The following TANC2 variants were observed in gnomAD, a reference collection of about 807,000 sequenced individuals.
TANC2 encodes the protein tetratricopeptide repeat, ankyrin repeat and coiled-coil containing 2.
TANC2 carries 26 observed loss-of-function variants against 210.5 expected under a neutral mutation model. That is an observed-to-expected ratio of 0.12 (90% confidence interval 0.09 to 0.17). TANC2 has a LOEUF of 0.17. Ranked by LOEUF, TANC2 falls within the 10% of genes least tolerant of loss-of-function variation. TANC2 has a pLI of 1.00. For missense variants in TANC2, 2,129 were observed against 2,608.9 expected (o/e 0.82, Z 4.01); for synonymous variants, 931 against 967.1 (o/e 0.96, Z 0.69).
At chr17:63,022,553 G>T (rs553162450) in intron 2 of TANC2, among the ~76,000 whole-genome samples, 3 of 152,262 alleles carry the variant, frequency 2.0e-5, no homozygotes, top group Non-Finnish European at 4.4e-5. Flanking sequence ...GAAAAAGAAT[G>T]TTTGGAAAGA....
chr17:63,066,792 T>C (rs1418510985), intron 2 of TANC2, among the ~76,000 whole-genome samples: 3 of 151,944 alleles, frequency 2.0e-5, no homozygotes, highest in Non-Finnish European at 1.5e-5. Context: ...GACACAGATA[T>C]AGTCATGAAG....
intron 15 of TANC2, among the ~76,000 whole-genome samples, chr17:63,387,348 C>T (rs1025716788): frequency 6.6e-6 from 1 of 152,132 alleles, no homozygotes; most frequent in Non-Finnish European, 1.5e-5. Context: ...TTTTTCCTAA[C>T]CCACTTTAGA....
chr17:63,200,879 G>A (rs1209255352), exon 7 of TANC2: 7 of 1,613,812 alleles, frequency 4.3e-6, no homozygotes, highest in Non-Finnish European at 5.9e-6. Context: ...CAGTACAAAT[G>A]CAACTGCCAA....
chr17:63,132,311 C>A (rs555747813), intron 4 of TANC2, among the ~76,000 whole-genome samples: 1 of 151,872 alleles, frequency 6.6e-6, no homozygotes, highest in African/African-American at 2.4e-5. Flanking sequence ...AGTTTAAAAA[C>A]CAGAGGTGGC....
At chr17:63,120,841 A>C (rs1473717880) in intron 4 of TANC2, 2 of 142,198 alleles carry the variant, frequency 1.4e-5, no homozygotes, top group South Asian at 2.3e-4. Context: ...AAAAAAAAAA[A>C]CTATTCAATA....
chr17:62,998,480 G>GA (rs2033221231), intron 1 of TANC2, among the ~76,000 whole-genome samples: 1 of 152,020 alleles, frequency 6.6e-6, no homozygotes, highest in Non-Finnish European at 1.5e-5. Flanking sequence ...TGAACTGAAA[G>GA]AAAAAAATGT....
intron 2 of TANC2, among the ~76,000 whole-genome samples, chr17:63,046,613 C>T (rs577051906): frequency 6.6e-6 from 1 of 151,930 alleles, no homozygotes; most frequent in African/African-American, 2.4e-5. Context: ...AGCCACCACA[C>T]CCGGCCTTTA....
intron 18 of TANC2, chr17:63,396,532 A>C (rs2048163100): frequency 6.5e-6 from 1 of 154,376 alleles, no homozygotes; most frequent in Admixed American, 6.3e-5. Context: ...TTTAACAACC[A>C]ACTGTGAAGA....
intron 4 of TANC2, among the ~76,000 whole-genome samples, chr17:63,115,664 A>G (rs757244953): frequency 9.2e-5 from 14 of 152,186 alleles, no homozygotes; most frequent in South Asian, 2.1e-4. Flanking sequence ...ATGGAGTTCT[A>G]TTGAAATTCC....
intron 15 of TANC2, among the ~76,000 whole-genome samples, chr17:63,380,337 G>A (rs1305736364): frequency 6.6e-6 from 1 of 152,136 alleles, no homozygotes; most frequent in Admixed American, 6.5e-5. Flanking sequence ...AAACCTTTAA[G>A]AACTCTATAA....
At position 63,010,480 on chromosome 17, in the gene TANC2, A is replaced by G. The variant is rs142526495; in HGVS notation, c.67+854A>G. ...TATGTGGGTTTTTTTTTTTTTTCCTACAGTGATTCAATTCAGTTCTCTGGT... is the reference window on the plus strand; with the variant it reads ...TATGTGGGTTTTTTTTTTTTTTCCTGCAGTGATTCAATTCAGTTCTCTGGT... On this transcript the variant is annotated intron_variant, in intron 2 of 27. Coordinates refer to ENST00000689528, the Ensembl canonical transcript of TANC2. Among the ~76,000 whole-genome samples, 12 of 148,378 alleles carry G rather than the reference A, an allele frequency of 8.1e-5. No individual in the cohort carries two copies. In the East Asian group the frequency reaches 2.0e-3, roughly 24 times the overall value.
intron 7 of TANC2, among the ~76,000 whole-genome samples, chr17:63,219,310 AAAT>A (rs764628676): frequency 5.9e-5 from 9 of 151,694 alleles, no homozygotes; most frequent in Non-Finnish European, 1.0e-4. Context: ...ATTATTATAT[AAAT>A]AATAATATGT....
intron 5 of TANC2, among the ~76,000 whole-genome samples, chr17:63,181,005 CAG>C (rs1402523947): frequency 9.1e-6 from 1 of 110,130 alleles, no homozygotes; most frequent in Non-Finnish European, 1.6e-5. Flanking sequence ...GCCTGGGTGA[CAG>C]AGTGAGACTC....
intron 4 of TANC2, among the ~76,000 whole-genome samples, chr17:63,146,364 T>C (rs978305262): frequency 1.3e-5 from 2 of 152,156 alleles, no homozygotes; most frequent in African/African-American, 2.4e-5. Context: ...TTTACTTCTT[T>C]CTACTTTGGA....
At chr17:63,230,465 G>C (rs2042445977) in intron 7 of TANC2, among the ~76,000 whole-genome samples, 1 of 152,154 alleles carries the variant, frequency 6.6e-6, no homozygotes, top group Non-Finnish European at 1.5e-5. Context: ...GTGTCCCAGA[G>C]ATTCTGGTAC....
intron 14 of TANC2, among the ~76,000 whole-genome samples, chr17:63,378,617 T>G (rs2047502638): frequency 6.6e-6 from 1 of 152,158 alleles, no homozygotes; most frequent in African/African-American, 2.4e-5. Flanking sequence ...GATAAGACAA[T>G]ATCCAGAGGC....
At chr17:63,254,612 T>C (rs1312398577) in intron 8 of TANC2, among the ~76,000 whole-genome samples, 1 of 152,246 alleles carries the variant, frequency 6.6e-6, no homozygotes, top group African/African-American at 2.4e-5. Context: ...GCTATGAGTC[T>C]GTCGTATATG....
chr17:63,090,673 C>T (rs547177308), intron 3 of TANC2, among the ~76,000 whole-genome samples: 180 of 152,084 alleles, frequency 1.2e-3, no homozygotes, highest in African/African-American at 3.7e-3. Context: ...AACATACGTG[C>T]GCATGTGTCT....
intron 7 of TANC2, among the ~76,000 whole-genome samples, chr17:63,205,451 T>C (rs1025465063): frequency 6.7e-6 from 1 of 149,574 alleles, no homozygotes; most frequent in African/African-American, 2.5e-5. Flanking sequence ...TATTCATGGA[T>C]TGGATATAGG....
Sources: allele counts gnomAD v4.1 joint callset (sites outside exome capture counted in the v4.1 genomes callset), GRCh38; gene constraint gnomAD v4.1.1; transcripts MANE v1.5; gene names NCBI Gene and HGNC (gene_info 2026-07-23, HGNC 2026-07-21).